Variants in HEATR4 observed in about 807,000 individuals in gnomAD.
HEATR4 encodes the protein HEAT repeat-containing protein 4.
Under a neutral mutation model 108.8 loss-of-function variants are expected in HEATR4, and 95 were observed. That is an observed-to-expected ratio of 0.87 (90% CI 0.74 to 1.04). HEATR4 has a LOEUF of 1.04. HEATR4 is among the 50% of genes least tolerant of loss of function. HEATR4 has a pLI of 0.00. For synonymous variants in HEATR4, 443 were observed against 459.4 expected, an observed-to-expected ratio of 0.96 and a Z score of 0.46; for missense variants, 1,152 against 1,253.8, an observed-to-expected ratio of 0.92 and a Z score of 1.23.
chr14:73,496,452 C>T, intron 15 of HEATR4, 149 bp downstream of exon 15: 1 of 591,544 alleles, frequency 1.7e-6, no homozygotes, highest in Non-Finnish European at 3.0e-6. Context: ...TGCTTTGCAT[C>T]TTCAAATGAT....
At chr14:73,523,384 T>G (rs1428927324) in intron 2 of HEATR4, among the ~76,000 whole-genome samples, 160 bp from the exon 3 acceptor site, 1 of 152,200 alleles carries the variant, frequency 6.6e-6, no homozygotes, top group Non-Finnish European at 1.5e-5. Context: ...TGCAACATCC[T>G]AAATATTTCA....
chr14:73,500,003 G>A (rs893501866), intron 12 of HEATR4, among the ~76,000 whole-genome samples: 11 of 152,236 alleles, frequency 7.2e-5, no homozygotes, highest in Non-Finnish European at 1.5e-5. Flanking sequence ...GCCGAGGCGG[G>A]CGGATCACGA....
the HEATR4 span, among the ~76,000 whole-genome samples, chr14:73,607,045 C>T: frequency 4.6e-5 from 7 of 152,212 alleles, no homozygotes; most frequent in African/African-American, 1.7e-4. Context: ...GGCACTGTGG[C>T]TCACGCCTGT....
chr14:73,497,070 A>G (rs1307749114), intron 14 of HEATR4, among the ~76,000 whole-genome samples: 1 of 152,010 alleles, frequency 6.6e-6, no homozygotes, highest in Non-Finnish European at 1.5e-5. Flanking sequence ...TAGTTTTTGT[A>G]TTTTTAGTAG....
chr14:73,618,033 C>T, the HEATR4 span, among the ~76,000 whole-genome samples: 1 of 151,942 alleles, frequency 6.6e-6, no homozygotes. Context: ...ATCCCAGCTA[C>T]TCGGGAGGCT....
At chr14:73,631,856 GTA>G in the HEATR4 span, 3 of 156,424 alleles carry the variant, frequency 1.9e-5, no homozygotes, top group South Asian at 3.7e-4. Flanking sequence ...AATATCATGT[GTA>G]TACAGCTCTT....
At chr14:73,504,115 T>G (rs1466153364) in intron 10 of HEATR4, among the ~76,000 whole-genome samples, 2 of 151,816 alleles carry the variant, frequency 1.3e-5, no homozygotes, top group Admixed American at 6.6e-5. Flanking sequence ...TTCACTCTTG[T>G]TGCCCAGGCT....
chr14:73,521,642 C>T (rs574318696), intron 3 of HEATR4, among the ~76,000 whole-genome samples: 11 of 152,220 alleles, frequency 7.2e-5, no homozygotes, highest in Non-Finnish European at 1.5e-4. Flanking sequence ...AGTCTTCCCT[C>T]TAGCTATAAA....
the HEATR4 span, among the ~76,000 whole-genome samples, chr14:73,570,130 C>A: frequency 6.6e-6 from 1 of 151,130 alleles, no homozygotes; most frequent in African/African-American, 2.4e-5. Context: ...TTTTCCGTCC[C>A]TGCCCTTTTC....
chr14:73,529,121 A>C (rs1176042529), intron 2 of HEATR4: 1 of 152,178 alleles, frequency 6.6e-6, no homozygotes, highest in Non-Finnish European at 1.5e-5. Context: ...TGGGAGGCTG[A>C]GGCGTGTGGA....
At chr14:73,523,334 G>T in intron 2 of HEATR4, 110 bp from the exon 3 acceptor site, 1 of 583,482 alleles carries the variant, frequency 1.7e-6, no homozygotes, top group Non-Finnish European at 3.0e-6. Context: ...AGGGGGTGGG[G>T]AAGAGCCATG....
At chr14:73,493,032 T>A in intron 17 of HEATR4, 34 bp downstream of exon 17, 1 of 1,600,750 alleles carries the variant, frequency 6.2e-7, no homozygotes, top group East Asian at 2.2e-5. Flanking sequence ...ACTCACGTTC[T>A]TACCTTGATA....
At chr14:73,633,007 C>CTTTT in the HEATR4 span, among the ~76,000 whole-genome samples, 261 of 121,982 alleles carry the variant, frequency 2.1e-3, 1 homozygote, top group African/African-American at 4.9e-3. Context: ...CTCTCTCTCT[C>CTTTT]TTTTTTTTTT....
chr14:73,575,997 C>T, the HEATR4 span, among the ~76,000 whole-genome samples: 1 of 151,356 alleles, frequency 6.6e-6, no homozygotes. Context: ...CCTAAAAATA[C>T]AAAAAATTAG....
At chr14:73,524,310 A>ATATATATATATATATAT (rs1555393076) in intron 2 of HEATR4, among the ~76,000 whole-genome samples, 8 of 54,782 alleles carry the variant, frequency 1.5e-4, no homozygotes, top group Non-Finnish European at 2.5e-4. Flanking sequence ...AAAAAAAAAA[A>ATATATATATATATATAT]ATATATATAT....
chr14:73,508,149 A>G lies in HEATR4; in HGVS notation c.1866T>C (p.Tyr622=), dbSNP rs1477848625. 1.2e-6 allele frequency: 2 copies of G among 1,614,092 alleles called. No individual in the cohort carries two copies. The highest frequency in any genetic ancestry group is 2.2e-5 in the South Asian group (2 of 91,076). The part of the protein sequence containing the change: ...TEEQSYILLS[Y]LSEKTTLIHT... ...GGACACATACTGTCTTCTCACTCAG[A>G]TAGCTCAGGAGGATATAAGACTGTT... The change falls in exon 9 of 18, where the codon TAT becomes TAC. Residue 622 remains tyrosine (Y), a synonymous_variant. Coordinates refer to ENST00000553558, the MANE Select transcript of HEATR4 (RefSeq NM_001220484.1).
chr14:73,506,853 T>G (rs1489651937), intron 9 of HEATR4, among the ~76,000 whole-genome samples: 3 of 132,434 alleles, frequency 2.3e-5, no homozygotes, highest in Non-Finnish European at 4.6e-5. Context: ...CAGGCTGGAG[T>G]GCAGTGGCAC....
At chr14:73,570,867 T>C in the HEATR4 span, among the ~76,000 whole-genome samples, 2 of 149,738 alleles carry the variant, frequency 1.3e-5, no homozygotes, top group African/African-American at 4.9e-5. Context: ...ATCATGCCAT[T>C]GCACTCCAGC....
Position 73,500,740 on chromosome 14 carries a change from A to C in HEATR4, c.2106-10T>G. The C allele has an allele frequency of 6.2e-7, 1 of 1,610,084 alleles. No individual in the cohort carries two copies. The highest frequency in any genetic ancestry group is 8.5e-7 in the Non-Finnish European group (1 of 1,176,924). ...TTGACCTAGCTTGACCCTGTAAGGC[A>C]CAAGTTGCTTTCCTTTCACCTCCTT... is the stretch of plus-strand genomic sequence containing the variant. On this transcript the variant is annotated splice_polypyrimidine_tract_variant and intron_variant, in intron 11 of 17. Transcript: ENST00000553558.
Sources: allele counts gnomAD v4.1 joint callset (sites outside exome capture counted in the v4.1 genomes callset), GRCh38; gene constraint gnomAD v4.1.1; transcripts MANE v1.5; gene names NCBI Gene and HGNC (gene_info 2026-07-23, HGNC 2026-07-21).